The following CAPN13 variants were observed in gnomAD, a reference collection of about 807,000 sequenced individuals.
The protein encoded by CAPN13 is calpain-13.
A neutral mutation model predicts 98.4 loss-of-function variants in CAPN13; 90 were observed. The ratio of observed to expected loss-of-function variants is 0.92; its 90% CI spans 0.77 to 1.09. The LOEUF (loss-of-function observed/expected upper bound fraction) is 1.09. Ranked by LOEUF, CAPN13 falls within the 50% of genes least tolerant of loss-of-function variation. The pLI is 0.00. For missense variants in CAPN13, 887 were observed against 841.3 expected, an observed-to-expected ratio of 1.05 and a Z score of -0.67; for synonymous variants, 330 against 305.5, an observed-to-expected ratio of 1.08 and a Z score of -0.84.
chr2:30,754,570 G>T (rs978312183), intron 8 of CAPN13, among the ~76,000 whole-genome samples: 1 of 152,158 alleles, frequency 6.6e-6, no homozygotes, highest in Non-Finnish European at 1.5e-5. Flanking sequence ...CTTTCCTGAA[G>T]TCCAGATGGA....
At chr2:30,744,089 T>C (rs1239495658) in intron 12 of CAPN13, among the ~76,000 whole-genome samples, 1 of 152,234 alleles carries the variant, frequency 6.6e-6, no homozygotes, top group East Asian at 1.9e-4. Flanking sequence ...TCCTTTTATT[T>C]CAATGTTTTC....
intron 15 of CAPN13, among the ~76,000 whole-genome samples, chr2:30,740,380 A>G (rs1451756526): frequency 6.6e-6 from 1 of 152,216 alleles, no homozygotes; most frequent in East Asian, 1.9e-4. Context: ...GGCGTCAGCT[A>G]CCGTGCCCGG....
At chr2:30,773,371 C>A (rs183465886) in intron 4 of CAPN13, among the ~76,000 whole-genome samples, 1 of 152,036 alleles carries the variant, frequency 6.6e-6, no homozygotes, top group South Asian at 2.1e-4. Flanking sequence ...GAAATTCTAT[C>A]TAATAAAGGT....
intron 19 of CAPN13, among the ~76,000 whole-genome samples, chr2:30,733,099 T>C (rs1671186134): frequency 6.6e-6 from 1 of 152,198 alleles, no homozygotes; most frequent in Non-Finnish European, 1.5e-5. Flanking sequence ...CTTGTCATCC[T>C]GTGCTTCTAG....
At chr2:30,730,696 A>G (rs1030709727) in intron 22 of CAPN13, 34 bp downstream of exon 22, 2 of 779,008 alleles carry the variant, frequency 2.6e-6, no homozygotes, top group South Asian at 1.3e-5. Flanking sequence ...TCATGCTCCC[A>G]GGAGGGAAAG....
At chr2:30,738,529 G>T in intron 15 of CAPN13, 72 bp from the exon 16 acceptor site, 2 of 1,465,646 alleles carry the variant, frequency 1.4e-6, no homozygotes, top group Non-Finnish European at 9.3e-7. Flanking sequence ...TGCCTGCCGT[G>T]TAAAAGCACT....
At chr2:30,768,805 G>T (rs1387020325) in intron 5 of CAPN13, among the ~76,000 whole-genome samples, 1 of 151,986 alleles carries the variant, frequency 6.6e-6, no homozygotes, top group African/African-American at 2.4e-5. Flanking sequence ...AATGAGAATT[G>T]CTGGGCACAG....
At chr2:30,732,752 G>GTGTGGTC (rs1238527644) in intron 19 of CAPN13, among the ~76,000 whole-genome samples, 186 bp from the exon 20 acceptor site, 1 of 152,160 alleles carries the variant, frequency 6.6e-6, no homozygotes, top group Non-Finnish European at 1.5e-5. Flanking sequence ...TAGTTCTGGA[G>GTGTGGTC]TCTGGCCAGA....
chr2:30,745,181 A>T (rs1387863011), intron 12 of CAPN13: 3 of 471,986 alleles, frequency 6.4e-6, no homozygotes, highest in Non-Finnish European at 8.8e-6. Flanking sequence ...GCCTGTGAGG[A>T]TAGGTATTCC....
intron 4 of CAPN13, among the ~76,000 whole-genome samples, chr2:30,774,192 AG>A (rs1025886179): frequency 1.3e-5 from 2 of 152,116 alleles, no homozygotes; most frequent in African/African-American, 4.8e-5. Flanking sequence ...CACACCTCAG[AG>A]GAAAGTAAAA....
intron 1 of CAPN13, among the ~76,000 whole-genome samples, chr2:30,796,220 A>ATGTG (rs199587863): frequency 3.7e-5 from 4 of 107,342 alleles, no homozygotes; most frequent in African/African-American, 1.3e-4. Context: ...ATACACATAT[A>ATGTG]TATGTATATA....
chr2:30,775,672 C>T (rs1428117806), intron 4 of CAPN13, among the ~76,000 whole-genome samples: 1 of 152,184 alleles, frequency 6.6e-6, no homozygotes, highest in Non-Finnish European at 1.5e-5. Flanking sequence ...ATGTTAGTTA[C>T]AGGGTTCTCG....
At chr2:30,800,160 G>GAAAGAAAGA (rs1675172880) in intron 1 of CAPN13, among the ~76,000 whole-genome samples, 1 of 150,944 alleles carries the variant, frequency 6.6e-6, no homozygotes, top group Non-Finnish European at 1.5e-5. Context: ...AAGAAAGAAA[G>GAAAGAAAGA]AAAGAAAGAA....
At chr2:30,794,715 T>C (rs2148093492) in intron 1 of CAPN13, among the ~76,000 whole-genome samples, 1 of 152,060 alleles carries the variant, frequency 6.6e-6, no homozygotes. Context: ...AAGAAATGAA[T>C]TATTGATACA....
At chr2:30,755,720 G>T (rs1672409707) in intron 8 of CAPN13, among the ~76,000 whole-genome samples, 2 of 152,218 alleles carry the variant, frequency 1.3e-5, no homozygotes, top group Admixed American at 6.5e-5. Context: ...GGACAGCAAG[G>T]CAGGGGCCAC....
At chr2:30,740,082 GTTTTT>G (rs143581068) in intron 15 of CAPN13, among the ~76,000 whole-genome samples, 35 of 121,444 alleles carry the variant, frequency 2.9e-4, no homozygotes, top group Non-Finnish European at 6.9e-5. Context: ...ATTGTATTAG[GTTTTT>G]TTTTTTTTTT....
intron 1 of CAPN13, among the ~76,000 whole-genome samples, chr2:30,799,952 C>T (rs13019861): frequency 0.24 from 36,045 of 150,506 alleles, 4,580 homozygotes; most frequent in South Asian, 0.36. Context: ...CAGACGCCTG[C>T]AGTCCCAGCT....
chr2:30,770,247 T>A, intron 5 of CAPN13, 66 bp downstream of exon 5: 1 of 1,580,018 alleles, frequency 6.3e-7, no homozygotes, highest in Non-Finnish European at 8.6e-7. Context: ...CAGGGACTGT[T>A]TGCATTCCGG....
chr2:30,767,013 A>T (rs1482678866), intron 5 of CAPN13, among the ~76,000 whole-genome samples: 1 of 152,178 alleles, frequency 6.6e-6, no homozygotes, highest in Non-Finnish European at 1.5e-5. Flanking sequence ...CATGTGCCAG[A>T]CGCTGAGCTC....
Sources: allele counts gnomAD v4.1 joint callset (sites outside exome capture counted in the v4.1 genomes callset), GRCh38; gene constraint gnomAD v4.1.1; transcripts MANE v1.5; gene names NCBI Gene and HGNC (gene_info 2026-07-23, HGNC 2026-07-21).